Variants in STX8 observed in about 807,000 individuals in gnomAD.
STX8 encodes syntaxin-8.
Under a neutral mutation model 37.5 loss-of-function variants are expected in STX8, and 23 were observed. That is an observed-to-expected ratio of 0.61 (90% CI 0.44 to 0.87). The LOEUF (loss-of-function observed/expected upper bound fraction) is 0.87. Ranked by LOEUF, STX8 falls within the 40% of genes least tolerant of loss-of-function variation. STX8 has a pLI of 0.00. For missense variants in STX8, 313 were observed against 284.7 expected (o/e 1.10, Z -0.71); for synonymous variants, 115 against 99.1 (o/e 1.16, Z -0.95).
chr17:9,489,808 C>T (rs928602563), intron 6 of STX8, among the ~76,000 whole-genome samples: 2 of 151,678 alleles, frequency 1.3e-5, no homozygotes, highest in Non-Finnish European at 2.9e-5. Context: ...CCTGCCTCAG[C>T]CTCCCGCGTA....
chr17:9,478,950 T>C (rs1053483106), intron 6 of STX8, among the ~76,000 whole-genome samples: 4 of 152,174 alleles, frequency 2.6e-5, no homozygotes. Flanking sequence ...ACAGTACTTA[T>C]TAAAATCTGA....
intron 4 of STX8, among the ~76,000 whole-genome samples, chr17:9,515,911 T>A (rs1905145313): frequency 6.6e-6 from 1 of 152,090 alleles, no homozygotes; most frequent in Admixed American, 6.5e-5. Context: ...CAATTTCACG[T>A]ACCTTCGAAG....
At chr17:9,289,343 G>C (rs1049662677) in intron 7 of STX8, among the ~76,000 whole-genome samples, 2 of 152,138 alleles carry the variant, frequency 1.3e-5, no homozygotes, top group African/African-American at 4.8e-5. Flanking sequence ...AAAGAAGAAA[G>C]AGTTGATGGA....
At chr17:9,273,837 C>T (rs1249120483) in intron 7 of STX8, among the ~76,000 whole-genome samples, 1 of 152,158 alleles carries the variant, frequency 6.6e-6, no homozygotes, top group Non-Finnish European at 1.5e-5. Context: ...CGTGTGTTTG[C>T]GTGGCAGGCC....
chr17:9,416,374 A>ATTTT (rs535117460), intron 6 of STX8, among the ~76,000 whole-genome samples: 1 of 145,904 alleles, frequency 6.9e-6, no homozygotes, highest in African/African-American at 2.5e-5. Flanking sequence ...TTGTAGTTTA[A>ATTTT]TTTTTTTTTT....
chr17:9,367,373 A>G (rs1326177417), intron 7 of STX8, among the ~76,000 whole-genome samples: 1 of 152,018 alleles, frequency 6.6e-6, no homozygotes, highest in Non-Finnish European at 1.5e-5. Context: ...TGGCCTCACC[A>G]TCCAGATCAC....
At chr17:9,518,595 G>A (rs1441039425) in intron 4 of STX8, among the ~76,000 whole-genome samples, 1 of 152,192 alleles carries the variant, frequency 6.6e-6, no homozygotes, top group African/African-American at 2.4e-5. Context: ...GCAGCCAGGC[G>A]TGGTGGCTCA....
intron 7 of STX8, among the ~76,000 whole-genome samples, chr17:9,318,456 G>A (rs1047153476): frequency 4.6e-5 from 7 of 152,064 alleles, no homozygotes; most frequent in African/African-American, 1.7e-4. Flanking sequence ...AATGGAGAAG[G>A]AATAATCTAG....
Position 9,546,590 on chromosome 17 carries a change from GGTTTTTTTTTT to G in STX8, c.213-1319_213-1309del, listed in dbSNP as rs1346513747. The stretch of plus-strand genomic sequence containing the variant: ...CTTTCTTGATGCAAACTACAAAAGT[GGTTTTTTTTTT>G]TTTTTTTTTTTTTTGGAGACGGAGC... On this transcript the variant is annotated intron_variant, in intron 3 of 7. Coordinates refer to ENST00000306357, the MANE Select transcript of STX8 (RefSeq NM_004853.3). Among the ~76,000 whole-genome samples, 444 of 62,258 alleles carry G rather than the reference GGTTTTTTTTTT, an allele frequency of 7.1e-3. 7 individuals are homozygous for G. The highest frequency in any genetic ancestry group is 0.011 in the Non-Finnish European group (362 of 33,700). The allele number at this position is 62,258 out of a possible 152,430, so 40.8% of individuals were successfully genotyped here. A position where few individuals can be genotyped will look rare whatever the true frequency, so the allele number is the denominator to read the frequency against.
At chr17:9,537,470 G>C (rs1382376491) in intron 4 of STX8, among the ~76,000 whole-genome samples, 1 of 152,190 alleles carries the variant, frequency 6.6e-6, no homozygotes, top group Admixed American at 6.5e-5. Flanking sequence ...CTGAAGCTCG[G>C]AGTCACCTTT....
intron 7 of STX8, among the ~76,000 whole-genome samples, chr17:9,317,723 A>G (rs941713240): frequency 2.0e-5 from 3 of 150,762 alleles, no homozygotes; most frequent in Non-Finnish European, 3.0e-5. Flanking sequence ...CCGAGATTGC[A>G]CCACTGCACT....
intron 6 of STX8, among the ~76,000 whole-genome samples, chr17:9,481,755 T>C (rs975605920): frequency 3.3e-5 from 5 of 152,176 alleles, no homozygotes; most frequent in African/African-American, 1.2e-4. Context: ...CATTACTGCC[T>C]GAGCTCCACC....
At chr17:9,327,632 C>G (rs143422309) in intron 7 of STX8, among the ~76,000 whole-genome samples, 205 of 152,196 alleles carry the variant, frequency 1.3e-3, no homozygotes, top group African/African-American at 4.8e-3. Context: ...TCTCTGGAAA[C>G]AGGGGTCTTA....
chr17:9,376,661 G>C (rs955276046), intron 7 of STX8, among the ~76,000 whole-genome samples: 12 of 152,208 alleles, frequency 7.9e-5, no homozygotes, highest in African/African-American at 2.9e-4. Flanking sequence ...TTTGTGAGCA[G>C]TAACACCGGC....
At chr17:9,301,256 T>G (rs1908770835) in intron 7 of STX8, among the ~76,000 whole-genome samples, 1 of 152,126 alleles carries the variant, frequency 6.6e-6, no homozygotes, top group African/African-American at 2.4e-5. Flanking sequence ...ATTCCTAGTT[T>G]CTGAAGAGTA....
chr17:9,356,877 T>G (rs1748158509), intron 7 of STX8, among the ~76,000 whole-genome samples: 1 of 151,806 alleles, frequency 6.6e-6, no homozygotes, highest in African/African-American at 2.4e-5. Flanking sequence ...TCTCCTAGGC[T>G]TAAGGGTGGC....
chr17:9,513,475 G>T (rs1905083998), intron 4 of STX8, among the ~76,000 whole-genome samples: 1 of 152,124 alleles, frequency 6.6e-6, no homozygotes, highest in African/African-American at 2.4e-5. Flanking sequence ...ATCACAATGA[G>T]GTATCATCTC....
chr17:9,412,037 A>G (rs79800113), intron 6 of STX8, among the ~76,000 whole-genome samples: 14,778 of 152,184 alleles, frequency 0.097, 2,243 homozygotes, highest in African/African-American at 0.32. Flanking sequence ...TATCTTTGTC[A>G]TTATTCAATT....
At chr17:9,536,302 A>C (rs191575448) in intron 4 of STX8, among the ~76,000 whole-genome samples, 1 of 152,166 alleles carries the variant, frequency 6.6e-6, no homozygotes, top group Non-Finnish European at 1.5e-5. Flanking sequence ...GGGAAAGCCG[A>C]CATCGAGTAT....
Sources: allele counts gnomAD v4.1 joint callset (sites outside exome capture counted in the v4.1 genomes callset), GRCh38; gene constraint gnomAD v4.1.1; transcripts MANE v1.5; gene names NCBI Gene and HGNC (gene_info 2026-07-23, HGNC 2026-07-21).